ATP4B: variants seen among roughly 807,000 people sequenced by gnomAD.
ATP4B encodes the protein ATPase H+/K+ transporting subunit beta.
ATP4B carries 27 observed loss-of-function variants against 35.3 expected under a neutral mutation model. That is an observed-to-expected ratio of 0.76 (90% CI 0.56 to 1.05). ATP4B has a LOEUF of 1.05. Ranked by LOEUF, ATP4B falls within the 50% of genes least tolerant of loss-of-function variation. The pLI is 0.00. For synonymous variants in ATP4B, 162 were observed against 156.0 expected (o/e 1.04, Z -0.29); for missense variants, 375 against 384.8 (o/e 0.97, Z 0.21).
chr13:113,654,296 G>A (rs553338022), intron 2 of ATP4B, among the ~76,000 whole-genome samples: 130 of 152,334 alleles, frequency 8.5e-4, no homozygotes, highest in Admixed American at 8.0e-3. Context: ...TCTGCACACC[G>A]ATGGGGACGT....
In ATP4B at chr13:113,650,572, C is replaced by T. The variant is rs557589398; in HGVS notation, c.613-65G>A. The T allele has an allele frequency of 3.5e-4, 460 of 1,309,906 alleles. No homozygotes were observed. The highest frequency in any genetic ancestry group is 1.8e-3 in the Admixed American group (93 of 50,516). 81.1% of individuals were successfully genotyped at this position (1,309,906 alleles called of 1,614,324 possible). Reference sequence around the variant, plus strand: ...GGTGTGTGCCGGTGTCTGTGTGTTGCGTTTGTGTGCGTGTGTGCACACACG... The same window carrying T: ...GGTGTGTGCCGGTGTCTGTGTGTTGTGTTTGTGTGCGTGTGTGCACACACG... On this transcript the variant is annotated intron_variant, in intron 5 of 6. Coordinates refer to ENST00000335288, the MANE Select transcript of ATP4B (RefSeq NM_000705.4). The surrounding 1 kb of genome is among the most constrained non-coding windows in gnomAD (Gnocchi z 5.0).
At position 113,654,904 on chromosome 13, in the gene ATP4B, T is replaced by C; in HGVS notation, c.151A>G (p.Met51Val). The change falls in exon 2 of 7, where the codon ATG (methionine) becomes GTG (valine). Residue 51 changes from methionine (M) to valine (V), a missense_variant. Met to Val is a conservative substitution (Grantham distance 21). Transcript: ENST00000335288. Reference protein sequence around the residue: ...SLYYVAFYVVMTGLFALCLYV... With the variant: ...SLYYVAFYVVVTGLFALCLYV... ...AGGCACAGGGCGAAGAGCCCAGTCA[T>C]CACCACGTAGAAGGCCACGTAGTAC... 1 of 1,614,206 alleles carries C rather than the reference T, an allele frequency of 6.2e-7. No homozygotes were observed. Among genetic ancestry groups the C allele is most frequent in the Non-Finnish European group, 8.5e-7 (1 of 1,180,026 alleles).
At chr13:113,652,438 T>G (rs1018354260) in intron 4 of ATP4B, among the ~76,000 whole-genome samples, 2 of 152,224 alleles carry the variant, frequency 1.3e-5, no homozygotes, top group African/African-American at 4.8e-5. Context: ...GGACCTGCCC[T>G]GCTCGAGCCT....
At chr13:113,652,506 C>T (rs1330573222) in intron 4 of ATP4B, among the ~76,000 whole-genome samples, 11 of 152,248 alleles carry the variant, frequency 7.2e-5, no homozygotes, top group Admixed American at 7.2e-4. Context: ...GGTTGGAAGC[C>T]TCTGCTTTAG....
chr13:113,657,326 G>A (rs1180046242), intron 1 of ATP4B, among the ~76,000 whole-genome samples: 4 of 152,214 alleles, frequency 2.6e-5, no homozygotes, highest in African/African-American at 9.6e-5. Context: ...AGGGGGAGGT[G>A]GGGGCGCACA....
intron 1 of ATP4B, among the ~76,000 whole-genome samples, chr13:113,656,671 G>C (rs533270054): frequency 6.6e-6 from 1 of 152,186 alleles, no homozygotes; most frequent in South Asian, 2.1e-4. Flanking sequence ...TAAGAATAAC[G>C]TGTCCTATTC....
rs745851797 is a variant in ATP4B at position 113,652,778 on chromosome 13, C to G, written c.555+95G>C. On this transcript the variant is annotated intron_variant, in intron 4 of 6. Transcript: ENST00000335288. Reference sequence around the variant, plus strand: ...AGTCCCTGTCCCGCTTGGGCAAGCCCCAGACAGGACACCTGTGCTCCTCGT... The same window carrying G: ...AGTCCCTGTCCCGCTTGGGCAAGCCGCAGACAGGACACCTGTGCTCCTCGT... 5 of 1,451,310 alleles carry G rather than the reference C, an allele frequency of 3.4e-6. No homozygotes were observed. In the South Asian group the frequency reaches 6.0e-5, roughly 17 times the overall value. The allele number at this position is 1,451,310 out of a possible 1,614,324, so 89.9% of individuals were successfully genotyped here.
Position 113,654,811 on chromosome 13 carries a change from T to C in ATP4B, c.241+3A>G. ...GCATGGGGGCAACATCCCGGGCGCT[T>C]ACCTGGTGACCGTAGCTGGTCTTGG... On this transcript the variant is annotated splice_donor_region_variant and intron_variant, in intron 2 of 6. Coordinates refer to ENST00000335288, the MANE Select transcript of ATP4B (RefSeq NM_000705.4). 1.9e-6 allele frequency: 3 copies of C among 1,613,754 alleles called. No individual in the cohort carries two copies. The highest frequency in any genetic ancestry group is 2.5e-6 in the Non-Finnish European group (3 of 1,179,814).
At chr13:113,651,421 G>A (rs966189910) in intron 5 of ATP4B, among the ~76,000 whole-genome samples, 2 of 152,226 alleles carry the variant, frequency 1.3e-5, no homozygotes, top group African/African-American at 4.8e-5. Flanking sequence ...TTTGAAGCGT[G>A]CTGCTGACAC....
chr13:113,656,331 C>T (rs1466786352), intron 1 of ATP4B, among the ~76,000 whole-genome samples: 2 of 152,180 alleles, frequency 1.3e-5, no homozygotes, highest in Non-Finnish European at 2.9e-5. Context: ...TGGGTCTGCT[C>T]TGGGGCCCGT....
rs201024349 is a variant in ATP4B at position 113,658,122 on chromosome 13, T to G, written c.23A>C (p.Lys8Thr). Residue 8 changes from lysine (K) to threonine (T), a missense_variant, in exon 1 of 7, where the codon AAG becomes ACG. Transcript: ENST00000335288. MAALQEK[K>T]TCGQRMEEFQ... is the part of the protein sequence containing the mutation. ...CTCCTCCATGCGCTGGCCACACGTC[T>G]TCTTCTCCTGCAGAGCCGCCATCGT... 2.9e-4 allele frequency: 475 copies of G among 1,612,698 alleles called. No homozygotes were observed. The highest frequency in any genetic ancestry group is 3.8e-4 in the Non-Finnish European group (443 of 1,179,752).
chr13:113,657,791 G>A (rs955179309), intron 1 of ATP4B, among the ~76,000 whole-genome samples: 12 of 152,236 alleles, frequency 7.9e-5, no homozygotes, highest in African/African-American at 2.2e-4. Flanking sequence ...GTCTGTGGAC[G>A]CCCTCCACCG....
intron 2 of ATP4B, among the ~76,000 whole-genome samples, chr13:113,654,299 G>C (rs2049736331): frequency 6.6e-6 from 1 of 152,204 alleles, no homozygotes; most frequent in Non-Finnish European, 1.5e-5. Flanking sequence ...GCACACCGAT[G>C]GGGACGTCTG....
At chr13:113,654,323 G>A (rs1159427651) in intron 2 of ATP4B, among the ~76,000 whole-genome samples, 2 of 152,244 alleles carry the variant, frequency 1.3e-5, no homozygotes, top group Non-Finnish European at 2.9e-5. Context: ...TGTGGCCTCT[G>A]ACGACTCGGA....
In ATP4B at chr13:113,650,556, C is replaced by A. The variant is rs75312839; in HGVS notation, c.613-49G>T. The A allele has an allele frequency of 1.3e-6, 2 of 1,503,784 alleles. No homozygotes were observed. Among genetic ancestry groups the A allele is most frequent in the South Asian group, 1.2e-5 (1 of 82,848 alleles). 93.2% of individuals were successfully genotyped at this position (1,503,784 alleles called of 1,614,324 possible). On this transcript the variant is annotated intron_variant, in intron 5 of 6. Coordinates refer to ENST00000335288, the MANE Select transcript of ATP4B (RefSeq NM_000705.4). The surrounding 1 kb of genome is among the most constrained non-coding windows in gnomAD (Gnocchi z 5.0). Reference sequence around the variant, plus strand: ...GAGTCAGGCGGGAGCTGGTGTGTGCCGGTGTCTGTGTGTTGCGTTTGTGTG... The same window carrying A: ...GAGTCAGGCGGGAGCTGGTGTGTGCAGGTGTCTGTGTGTTGCGTTTGTGTG...
Position 113,653,570 on chromosome 13 carries a change from CAGGA to C in ATP4B, c.242-140_242-137del, listed in dbSNP as rs531765507. The C allele has an allele frequency of 6.2e-4, 427 of 687,958 alleles. 2 individuals carry two copies. The highest frequency in any genetic ancestry group is 6.9e-4 in the Non-Finnish European group (278 of 400,124). The allele number at this position is 687,958 out of a possible 1,614,324, so 42.6% of individuals were successfully genotyped here. ...TCCTCGGAGTAAACTGTCTGCAGCA[CAGGA>C]AGGAAGGACCCCCAGGACAGCACAG... On this transcript the variant is annotated intron_variant, in intron 2 of 6. Coordinates refer to ENST00000335288, the MANE Select transcript of ATP4B (RefSeq NM_000705.4).
chr13:113,652,067 C>A (rs541134801), intron 4 of ATP4B, among the ~76,000 whole-genome samples: 1 of 152,320 alleles, frequency 6.6e-6, no homozygotes, highest in Admixed American at 6.5e-5. Context: ...GAGCACGGGC[C>A]GGCCTGCCTC....
At chr13:113,652,007 G>T (rs990118611) in intron 4 of ATP4B, among the ~76,000 whole-genome samples, 10 of 152,204 alleles carry the variant, frequency 6.6e-5, no homozygotes, top group Admixed American at 6.5e-4. Flanking sequence ...GCTGGGGCGG[G>T]GTGGTCTTAG....
chr13:113,655,194 C>T (rs947931938), intron 1 of ATP4B, among the ~76,000 whole-genome samples: 3 of 152,210 alleles, frequency 2.0e-5, no homozygotes, highest in African/African-American at 4.8e-5. Context: ...TCCTGCGACC[C>T]GAGGCAGTTG....
Sources: allele counts gnomAD v4.1 joint callset (sites outside exome capture counted in the v4.1 genomes callset), GRCh38; gene constraint gnomAD v4.1.1; non-coding constraint Gnocchi (gnomAD v3.1); transcripts MANE v1.5; gene names NCBI Gene and HGNC (gene_info 2026-07-23, HGNC 2026-07-21).